Variants in MAN1C1 observed in about 807,000 individuals in gnomAD.
The protein encoded by MAN1C1 is mannosyl-oligosaccharide 1,2-alpha-mannosidase IC.
MAN1C1 carries 49 observed loss-of-function variants against 71.5 expected under a neutral mutation model. The ratio of observed to expected loss-of-function variants is 0.69; its 90% CI spans 0.54 to 0.87. The LOEUF (loss-of-function observed/expected upper bound fraction) is 0.87, where lower values mean the gene tolerates loss of function less well. Among genes scored for constraint, MAN1C1 ranks in the 40% least tolerant of loss-of-function variants. MAN1C1 has a pLI of 0.00. For missense variants in MAN1C1, 743 were observed against 835.0 expected (o/e 0.89, Z 1.36); for synonymous variants, 352 against 343.7 (o/e 1.02, Z -0.27).
chr1:25,621,143 A>C (rs1462355416), intron 1 of MAN1C1, among the ~76,000 whole-genome samples: 2 of 152,204 alleles, frequency 1.3e-5, no homozygotes, highest in Admixed American at 1.3e-4. Context: ...CCTGGCCCCT[A>C]AGTGAACTGG....
chr1:25,758,315 G>A (rs922591731), intron 5 of MAN1C1, among the ~76,000 whole-genome samples: 3 of 152,130 alleles, frequency 2.0e-5, no homozygotes, highest in South Asian at 4.1e-4. Context: ...ACCAGGTCTC[G>A]AGCTCCCAAG....
intron 4 of MAN1C1, among the ~76,000 whole-genome samples, chr1:25,751,392 C>T (rs1432932487): frequency 6.7e-6 from 1 of 149,448 alleles, no homozygotes; most frequent in Non-Finnish European, 1.5e-5. Context: ...TTCCTCCCTT[C>T]TCTCTTCAAG....
At chr1:25,724,822 T>G (rs183913133) in intron 2 of MAN1C1, among the ~76,000 whole-genome samples, 1 of 152,308 alleles carries the variant, frequency 6.6e-6, no homozygotes, top group East Asian at 1.9e-4. Flanking sequence ...AGCTAATCCT[T>G]TACTTGCTAC....
chr1:25,780,184 A>C (rs2047673951), intron 9 of MAN1C1, among the ~76,000 whole-genome samples: 1 of 152,188 alleles, frequency 6.6e-6, no homozygotes, highest in Admixed American at 6.5e-5. Context: ...TTAAGGATAG[A>C]AATAGTGTAT....
At chr1:25,767,903 C>T (rs2047467029) in intron 7 of MAN1C1, among the ~76,000 whole-genome samples, 1 of 115,794 alleles carries the variant, frequency 8.6e-6, no homozygotes. Context: ...CCCTCATACA[C>T]ACACATTACA....
At chr1:25,763,486 C>CAAAA (rs60144894) in intron 6 of MAN1C1, among the ~76,000 whole-genome samples, 4 of 87,598 alleles carry the variant, frequency 4.6e-5, no homozygotes, top group East Asian at 3.8e-4. Context: ...GAGACTGTCT[C>CAAAA]AAAAAAAAAA....
chr1:25,690,903 G>T (rs2046299500), intron 2 of MAN1C1, among the ~76,000 whole-genome samples: 1 of 152,238 alleles, frequency 6.6e-6, no homozygotes, highest in Non-Finnish European at 1.5e-5. Flanking sequence ...AGGGGAGGCA[G>T]GGGAGGAACC....
intron 3 of MAN1C1, among the ~76,000 whole-genome samples, chr1:25,747,167 C>T (rs1395357362): frequency 6.6e-6 from 1 of 152,228 alleles, no homozygotes; most frequent in Non-Finnish European, 1.5e-5. Flanking sequence ...GGACGTGGCT[C>T]ATCTGCTGAG....
intron 1 of MAN1C1, among the ~76,000 whole-genome samples, chr1:25,637,607 T>C (rs2045481014): frequency 6.6e-6 from 1 of 152,102 alleles, no homozygotes; most frequent in African/African-American, 2.4e-5. Flanking sequence ...TATTTTTTTT[T>C]TTTGGTCTAC....
chr1:25,762,234 C>T (rs2047371246), intron 6 of MAN1C1, among the ~76,000 whole-genome samples: 1 of 151,064 alleles, frequency 6.6e-6, no homozygotes, highest in Non-Finnish European at 1.5e-5. Context: ...TTAAACAATC[C>T]TCCCACCTCA....
intron 4 of MAN1C1, 66 bp downstream of exon 4, chr1:25,749,401 C>T: frequency 1.5e-6 from 2 of 1,349,396 alleles, no homozygotes; most frequent in Middle Eastern, 1.8e-4. Flanking sequence ...ATATCCAGTC[C>T]TTCCCCCTCA....
At chr1:25,676,947 C>G (rs1042842293) in intron 1 of MAN1C1, among the ~76,000 whole-genome samples, 3 of 152,154 alleles carry the variant, frequency 2.0e-5, no homozygotes, top group Admixed American at 1.3e-4. Flanking sequence ...ACCCACGTGT[C>G]CTCCCCTCCT....
intron 1 of MAN1C1, among the ~76,000 whole-genome samples, chr1:25,663,593 A>T (rs1393945846): frequency 6.6e-6 from 1 of 152,220 alleles, no homozygotes; most frequent in Non-Finnish European, 1.5e-5. Context: ...GCTGTGGGTA[A>T]CTGAAACTGC....
chr1:25,770,262 T>C (rs1417741824), intron 7 of MAN1C1, among the ~76,000 whole-genome samples: 3 of 152,196 alleles, frequency 2.0e-5, no homozygotes, highest in Non-Finnish European at 4.4e-5. Flanking sequence ...TGCTTCATCT[T>C]GTCTGTTCCA....
chr1:25,644,541 TTTG>T, intron 1 of MAN1C1: 1 of 137,578 alleles, frequency 7.3e-6, no homozygotes, highest in Admixed American at 7.2e-5. Flanking sequence ...TTTTTTTTTT[TTTG>T]AGACAAGGTC....
At chr1:25,767,934 C>T (rs1303850800) in intron 7 of MAN1C1, among the ~76,000 whole-genome samples, 2 of 116,050 alleles carry the variant, frequency 1.7e-5, no homozygotes, top group African/African-American at 3.6e-5. Flanking sequence ...CACAGACCCA[C>T]ACACCCACAC....
chr1:25,710,626 T>G (rs2046601145), intron 2 of MAN1C1, among the ~76,000 whole-genome samples: 1 of 152,170 alleles, frequency 6.6e-6, no homozygotes, highest in South Asian at 2.1e-4. Context: ...AACACTTGGT[T>G]GTAAATTGCG....
chr1:25,666,505 G>C (rs1371464419), intron 1 of MAN1C1, among the ~76,000 whole-genome samples: 1 of 152,198 alleles, frequency 6.6e-6, no homozygotes, highest in African/African-American at 2.4e-5. Flanking sequence ...TCTTCCTCTT[G>C]CTTAGAAAGA....
chr1:25,748,996 C>T (rs2047175717), intron 3 of MAN1C1, among the ~76,000 whole-genome samples: 1 of 152,266 alleles, frequency 6.6e-6, no homozygotes, highest in Non-Finnish European at 1.5e-5. Context: ...CCAGGCATCG[C>T]TTTGCTGCCA....
Sources: allele counts gnomAD v4.1 joint callset (sites outside exome capture counted in the v4.1 genomes callset), GRCh38; gene constraint gnomAD v4.1.1; transcripts MANE v1.5; gene names NCBI Gene and HGNC (gene_info 2026-07-23, HGNC 2026-07-21).